The following SEC14L1 variants were observed in gnomAD, a reference collection of about 807,000 sequenced individuals.
SEC14L1 encodes SEC14 like lipid binding 1.
Under a neutral mutation model 85.3 loss-of-function variants are expected in SEC14L1, and 48 were observed. The observed-to-expected ratio is 0.56, with a 90% CI of 0.45 to 0.72. The LOEUF is 0.72. SEC14L1 is among the 30% of genes least tolerant of loss of function. The pLI is 0.00. For missense variants in SEC14L1, 682 were observed against 921.4 expected (o/e 0.74, Z 3.36); for synonymous variants, 391 against 355.5 (o/e 1.10, Z -1.12).
intron 3 of SEC14L1, among the ~76,000 whole-genome samples, chr17:77,104,953 A>G (rs1011484049): frequency 5.3e-5 from 8 of 151,942 alleles, no homozygotes; most frequent in Non-Finnish European, 1.0e-4. Flanking sequence ...ACATCAATCA[A>G]TATATGTTAA....
At chr17:77,127,542 G>A (rs527623139) in intron 3 of SEC14L1, among the ~76,000 whole-genome samples, 1 of 152,122 alleles carries the variant, frequency 6.6e-6, no homozygotes, top group East Asian at 1.9e-4. Flanking sequence ...TAGAAATGGG[G>A]TTTCACCATG....
chr17:77,165,172 G>C (rs1037952319), intron 3 of SEC14L1, among the ~76,000 whole-genome samples: 4 of 152,066 alleles, frequency 2.6e-5, no homozygotes, highest in Admixed American at 2.0e-4. Flanking sequence ...TATAGTATAC[G>C]TAGCTAATCA....
chr17:77,127,772 G>A (rs1050349070), intron 3 of SEC14L1: 19 of 152,180 alleles, frequency 1.2e-4, no homozygotes, highest in African/African-American at 4.3e-4. Flanking sequence ...CTTTGCAGAT[G>A]TCAGTAAGTT....
At chr17:77,137,476 G>A (rs1216160056), upstream of SEC14L1, among the ~76,000 whole-genome samples, 1 of 152,232 alleles carries the variant, frequency 6.6e-6, no homozygotes. Flanking sequence ...TTATGGCCAA[G>A]GGGATGGCCC....
intron 3 of SEC14L1, among the ~76,000 whole-genome samples, chr17:77,156,631 C>T (rs1288210449): frequency 6.7e-6 from 1 of 148,870 alleles, no homozygotes; most frequent in Admixed American, 6.7e-5. Context: ...TGTATGCTTT[C>T]GTTTCTTGCA....
chr17:77,112,072 C>T (rs887867707), intron 3 of SEC14L1, among the ~76,000 whole-genome samples: 1 of 152,110 alleles, frequency 6.6e-6, no homozygotes, highest in Non-Finnish European at 1.5e-5. Context: ...AGGCTGTTCT[C>T]GTGTTAGTGA....
chr17:77,214,751 A>G lies in SEC14L1; in HGVS notation c.*728A>G. 2.0e-6 allele frequency: 2 copies of G among 985,200 alleles called. No homozygotes were observed. Among genetic ancestry groups the G allele is most frequent in the South Asian group, 4.7e-5 (1 of 21,282 alleles). 61.0% of individuals were successfully genotyped at this position (985,200 alleles called of 1,614,324 possible). A position where few individuals can be genotyped will look rare whatever the true frequency, so the allele number is the denominator to read the frequency against. On this transcript the variant is annotated 3_prime_UTR_variant, in exon 17 of 17. Coordinates refer to ENST00000436233, the MANE Select transcript of SEC14L1 (RefSeq NM_001143998.2). ...TCTTTTTGATACTTTTTAGAGCAGG[A>G]TTTTTCTGTATGTGAACTTGGGTGG...
chr17:77,203,603 A>G lies in SEC14L1; in HGVS notation c.1043A>G (p.Gln348Arg). 2 of 1,613,910 alleles carry G rather than the reference A, an allele frequency of 1.2e-6. No homozygotes were observed. Among genetic ancestry groups the G allele is most frequent in the Non-Finnish European group, 1.7e-6 (2 of 1,179,958 alleles). ...CCCCTCTACGTGCTCAGGCTGGGGC[A>G]GATGGACACCAAAGGCTTGGTGAGA... ...GRPLYVLRLG[Q>R]MDTKGLVRAL... Residue 348 changes from glutamine to arginine, a missense_variant, in exon 10 of 17, where the codon CAG becomes CGG. By Grantham distance (43) the Gln-to-Arg change is conservative (BLOSUM62 1). Coordinates refer to ENST00000436233, the MANE Select transcript of SEC14L1 (RefSeq NM_001143998.2).
intron 3 of SEC14L1, among the ~76,000 whole-genome samples, chr17:77,126,667 C>G (rs142821335): frequency 6.6e-6 from 1 of 152,328 alleles, no homozygotes; most frequent in Non-Finnish European, 1.5e-5. Context: ...GCACGGGAAC[C>G]TTGGAACAAG....
chr17:77,151,832 G>A (rs1973572787), intron 3 of SEC14L1, among the ~76,000 whole-genome samples: 1 of 152,130 alleles, frequency 6.6e-6, no homozygotes, highest in South Asian at 2.1e-4. Flanking sequence ...GTAAGACCCT[G>A]TCTCTAAAAA....
rs1219190114 is a variant in SEC14L1 at position 77,191,092 on chromosome 17, GC to G, written c.214-84del. 10 of 1,512,938 alleles carry G rather than the reference GC, an allele frequency of 6.6e-6. No individual in the cohort carries two copies. The African/African-American group carries it at 1.4e-4, about 22-fold the overall frequency. 93.7% of individuals were successfully genotyped at this position (1,512,938 alleles called of 1,614,324 possible). On this transcript the variant is annotated intron_variant, in intron 4 of 16. Transcript: ENST00000436233. Reference sequence around the variant, plus strand: ...GAGGGAGAGGGCGTCCTGGAGGGCAGCCCCCAGAGACAACATGAACTTATAC... The same window carrying G: ...GAGGGAGAGGGCGTCCTGGAGGGCAGCCCCAGAGACAACATGAACTTATAC...
At chr17:77,174,729 C>T (rs1974676107) in intron 3 of SEC14L1, among the ~76,000 whole-genome samples, 1 of 152,128 alleles carries the variant, frequency 6.6e-6, no homozygotes, top group African/African-American at 2.4e-5. Context: ...CCTGGATGGG[C>T]CCCCAGATTG....
At chr17:77,140,682 AC>A (rs1264056166), upstream of SEC14L1, 1 of 135,640 alleles carries the variant, frequency 7.4e-6, no homozygotes, top group African/African-American at 2.6e-5. Flanking sequence ...CCCGCCCCCA[AC>A]AAGTGACGCA....
chr17:77,213,751 C>A lies in SEC14L1; in HGVS notation c.2043-167C>A. On this transcript the variant is annotated intron_variant, in intron 16 of 16. Coordinates refer to ENST00000436233, the MANE Select transcript of SEC14L1 (RefSeq NM_001143998.2). The surrounding 1 kb of genome is among the most constrained non-coding windows in gnomAD (Gnocchi z 7.1). ...CCGTCTGCGTGCAGGCTGTGGGAAG[C>A]CGGTCCCCCTGGTGGGTTACTCATG... is the stretch of plus-strand genomic sequence containing the variant. 1.1e-6 allele frequency: 1 copy of A among 948,506 alleles called. No individual in the cohort carries two copies. Among genetic ancestry groups the A allele is most frequent in the Non-Finnish European group, 1.6e-6 (1 of 606,812 alleles). The allele number at this position is 948,506 out of a possible 1,614,324, so 58.8% of individuals were successfully genotyped here.
At chr17:77,168,471 T>C (rs971055830) in intron 3 of SEC14L1, among the ~76,000 whole-genome samples, 2 of 152,218 alleles carry the variant, frequency 1.3e-5, no homozygotes, top group African/African-American at 4.8e-5. Context: ...ATCCTACATA[T>C]GAGTACACCT....
chr17:77,194,718 A>G lies in SEC14L1; in HGVS notation c.516A>G (p.Glu172=). The G allele has an allele frequency of 6.2e-7, 1 of 1,614,236 alleles. No homozygotes were observed. The highest frequency in any genetic ancestry group is 1.1e-5 in the South Asian group (1 of 91,082). The part of the protein sequence containing the change: ...IIEYYLRQLE[E]EGITFVPRWS... ...AATACTACCTTCGCCAATTAGAAGA[A>G]GAAGGCATAACCTTTGTGCCCCGTT... The change falls in exon 7 of 17, where the codon GAA becomes GAG. Residue 172 remains glutamate (E), a synonymous_variant. Transcript: ENST00000436233.
At chr17:77,130,795 AG>A (rs1972589647) in intron 3 of SEC14L1, among the ~76,000 whole-genome samples, 1 of 151,970 alleles carries the variant, frequency 6.6e-6, no homozygotes, top group Non-Finnish European at 1.5e-5. Flanking sequence ...TTGTAAAGAC[AG>A]GGTCTTGCCA....
rs1975727384 is a variant in SEC14L1 at position 77,194,899 on chromosome 17, G to A, written c.697G>A (p.Gly233Ser). 6.2e-7 allele frequency: 1 copy of A among 1,613,702 alleles called. No individual in the cohort carries two copies. Among genetic ancestry groups the A allele is most frequent in the African/African-American group, 1.3e-5 (1 of 74,938 alleles). ...SSPSAPEPVVGTPDDKLDADY... is the reference protein window; with the variant it reads ...SSPSAPEPVVSTPDDKLDADY... ...CCCCAGCGCACCTGAGCCCGTGGTGGGCACCCCTGACGGTGGGTCTGGCAG... is the reference window on the plus strand; with the variant it reads ...CCCCAGCGCACCTGAGCCCGTGGTGAGCACCCCTGACGGTGGGTCTGGCAG... The change falls in exon 7 of 17, where the codon GGC (glycine) becomes AGC (serine). Residue 233 changes from glycine (G) to serine (S), a missense_variant. Transcript: ENST00000436233.
At chr17:77,124,077 G>A (rs950225481) in intron 3 of SEC14L1, among the ~76,000 whole-genome samples, 2 of 152,090 alleles carry the variant, frequency 1.3e-5, no homozygotes, top group Non-Finnish European at 2.9e-5. Context: ...TAAAAACCAT[G>A]TCTTGGCCAG....
Sources: allele counts gnomAD v4.1 joint callset (sites outside exome capture counted in the v4.1 genomes callset), GRCh38; gene constraint gnomAD v4.1.1; non-coding constraint Gnocchi (gnomAD v3.1); transcripts MANE v1.5; gene names NCBI Gene and HGNC (gene_info 2026-07-23, HGNC 2026-07-21).